LCOR: variants seen among roughly 807,000 people sequenced by gnomAD.
LCOR encodes ligand dependent nuclear receptor corepressor.
A neutral mutation model predicts 64.4 loss-of-function variants in LCOR; 14 were observed. The ratio of observed to expected loss-of-function variants is 0.22; its 90% CI spans 0.14 to 0.34. The LOEUF (loss-of-function observed/expected upper bound fraction) is 0.34, where lower values mean the gene tolerates loss of function less well. Among genes scored for constraint, LCOR ranks in the 10% least tolerant of loss-of-function variants. The pLI is 1.00. For synonymous variants in LCOR, 643 were observed against 642.5 expected, an observed-to-expected ratio of 1.00 and a Z score of -0.01; for missense variants, 1,686 against 1,765.3, an observed-to-expected ratio of 0.96 and a Z score of 0.80.
intron 4 of LCOR, among the ~76,000 whole-genome samples, chr10:96,928,181 G>C (rs1290572662): frequency 6.6e-6 from 1 of 152,162 alleles, no homozygotes; most frequent in Admixed American, 6.5e-5. Context: ...TTTCAGGAAA[G>C]ATTTCTCTGT....
intron 7 of LCOR, among the ~76,000 whole-genome samples, chr10:96,977,405 A>C (rs539337882): frequency 6.6e-6 from 1 of 152,316 alleles, no homozygotes; most frequent in East Asian, 1.9e-4. Context: ...TGCCCCTCAA[A>C]CTATTAATCT....
chr10:96,979,166 A>G (rs551139618), intron 7 of LCOR, among the ~76,000 whole-genome samples: 2 of 152,316 alleles, frequency 1.3e-5, no homozygotes, highest in African/African-American at 4.8e-5. Context: ...TGAGACAGAA[A>G]AATCAAAGAC....
rs55893181 is a variant in LCOR, at chr10:96,873,571, CGTGTGTGTGTGTGTGTGTGTGTGTGT to C, written c.-329-33673_-329-33648del. 2.8e-3 allele frequency among the ~76,000 whole-genome samples: 355 copies of C among 126,380 alleles called. 3 individuals are homozygous for C. Among genetic ancestry groups the C allele is most frequent in the Middle Eastern group, 8.3e-3 (2 of 240 alleles). 82.9% of individuals were successfully genotyped at this position (126,380 alleles called of 152,430 possible). On this transcript the variant is annotated intron_variant, in intron 2 of 7. Coordinates refer to ENST00000421806, the MANE Select transcript of LCOR (RefSeq NM_001346516.2). ...TTGTTTTTCGATACACACACACACA[CGTGTGTGTGTGTGTGTGTGTGTGTGT>C]GTGTGTGTGTGTGTGTGTGTTTTGA...
At chr10:96,950,986 G>T (rs1847668481) in intron 6 of LCOR, among the ~76,000 whole-genome samples, 1 of 152,106 alleles carries the variant, frequency 6.6e-6, no homozygotes, top group East Asian at 1.9e-4. Context: ...TTTCTTATGA[G>T]TGTGGGGTTT....
chr10:96,836,095 A>T (rs1330095611), intron 2 of LCOR, among the ~76,000 whole-genome samples: 2 of 152,246 alleles, frequency 1.3e-5, no homozygotes, highest in Non-Finnish European at 2.9e-5. Context: ...GGCTAAAAAT[A>T]GGACAGCAGA....
chr10:96,855,488 G>C (rs1487271660), intron 2 of LCOR, among the ~76,000 whole-genome samples: 1 of 152,044 alleles, frequency 6.6e-6, no homozygotes, highest in South Asian at 2.1e-4. Context: ...AGGCTGGAGT[G>C]CAATGACGCG....
At chr10:96,957,357 A>G (rs1259646918) in intron 7 of LCOR, 3 of 985,004 alleles carry the variant, frequency 3.0e-6, no homozygotes, top group Non-Finnish European at 3.6e-6. Context: ...GCTTTTTCTG[A>G]GATGGGCTTT....
intron 2 of LCOR, among the ~76,000 whole-genome samples, chr10:96,847,585 G>A (rs1191715170): frequency 2.6e-5 from 4 of 152,042 alleles, no homozygotes; most frequent in African/African-American, 4.8e-5. Context: ...GCGATTACAA[G>A]CGTGTGCCAC....
intron 7 of LCOR, chr10:96,955,423 G>A (rs149734567): frequency 1.1e-5 from 18 of 1,614,130 alleles, no homozygotes; most frequent in Non-Finnish European, 1.4e-5. Flanking sequence ...TGGGAGTCTC[G>A]CACTGGTGAT....
chr10:96,957,167 T>G (rs572228935), intron 7 of LCOR: 113 of 938,826 alleles, frequency 1.2e-4, no homozygotes, highest in East Asian at 4.7e-4. Context: ...AGGTGTTGGG[T>G]TTTTTTTTTA....
intron 7 of LCOR, among the ~76,000 whole-genome samples, chr10:96,973,818 T>C (rs908769302): frequency 3.9e-5 from 6 of 152,248 alleles, no homozygotes; most frequent in African/African-American, 1.2e-4. Context: ...ATCAGTGATA[T>C]TGCCTTTGCT....
intron 7 of LCOR, chr10:96,955,328 A>G: frequency 6.2e-7 from 1 of 1,614,076 alleles, no homozygotes; most frequent in South Asian, 1.1e-5. Context: ...TGGCACTTCA[A>G]GCAAAACAAG....
intron 7 of LCOR, among the ~76,000 whole-genome samples, chr10:96,971,502 A>G (rs1322600376): frequency 1.3e-5 from 2 of 152,172 alleles, no homozygotes; most frequent in Non-Finnish European, 2.9e-5. Context: ...CGGTTAGGTC[A>G]ATAGTTACAA....
intron 2 of LCOR, among the ~76,000 whole-genome samples, chr10:96,902,883 C>G (rs1008619870): frequency 6.6e-6 from 1 of 152,140 alleles, no homozygotes; most frequent in African/African-American, 2.4e-5. Context: ...TAGGCAGTTT[C>G]ATCATTTTTC....
intron 1 of LCOR, chr10:96,833,027 G>A: frequency 1.0e-6 from 1 of 985,848 alleles, no homozygotes; most frequent in Non-Finnish European, 1.2e-6. Context: ...GCCTGACCGA[G>A]CCAAGTGGGG....
intron 2 of LCOR, among the ~76,000 whole-genome samples, chr10:96,865,432 T>G (rs1490655919): frequency 1.3e-5 from 2 of 152,202 alleles, no homozygotes; most frequent in Admixed American, 1.3e-4. Context: ...AAGGCATTCT[T>G]AGGCAGACAT....
intron 2 of LCOR, among the ~76,000 whole-genome samples, chr10:96,861,085 TAATG>T (rs913060236): frequency 1.3e-5 from 2 of 152,196 alleles, no homozygotes; most frequent in Admixed American, 1.3e-4. Flanking sequence ...GAAAAAAACG[TAATG>T]AATATTCTTT....
intron 7 of LCOR, among the ~76,000 whole-genome samples, chr10:96,952,691 T>A (rs577638127): frequency 5.8e-4 from 88 of 152,298 alleles, no homozygotes; most frequent in African/African-American, 2.1e-3. Flanking sequence ...TGTTGATGCA[T>A]AACCATCTTA....
In LCOR at chr10:96,995,879, C is replaced by A. The variant is rs911283597; in HGVS notation, c.*10745C>A. 3.3e-5 allele frequency: 5 copies of A among 152,168 alleles called. No individual in the cohort carries two copies. Among genetic ancestry groups the A allele is most frequent in the Non-Finnish European group, 5.9e-5 (4 of 68,034 alleles). The allele number at this position is 152,168 out of a possible 1,614,324, so 9.4% of individuals were successfully genotyped here. A position where few individuals can be genotyped will look rare whatever the true frequency, so the allele number is the denominator to read the frequency against. Reference sequence around the variant, plus strand: ...CAGAGGATGTGTGGGAGGGGTTTCTCTAACACTGACTTCTATTCCATGAGC... The same window carrying A: ...CAGAGGATGTGTGGGAGGGGTTTCTATAACACTGACTTCTATTCCATGAGC... On this transcript the variant is annotated 3_prime_UTR_variant, in exon 8 of 8. Transcript: ENST00000421806. This position sits in a 1 kb window ranked among gnomAD's most constrained non-coding sequence, Gnocchi z 4.2.
Sources: gnomAD v4.1 joint callset for allele counts (sites outside exome capture counted in the v4.1 genomes callset) on GRCh38, gnomAD v4.1.1 for gene constraint, Gnocchi (gnomAD v3.1) non-coding constraint, MANE v1.5 for transcripts, NCBI Gene and HGNC (gene_info 2026-07-23, HGNC 2026-07-21) for gene names.